MEOX2: variants seen among roughly 807,000 people sequenced by gnomAD.
The protein encoded by MEOX2 is mesenchyme homeobox 2, also known as homeobox protein MOX-2.
Under a neutral mutation model 27.0 loss-of-function variants are expected in MEOX2, and 11 were observed. That is an observed-to-expected ratio of 0.41 (90% CI 0.26 to 0.68). MEOX2 has a LOEUF of 0.68. Ranked by LOEUF, MEOX2 falls within the 30% of genes least tolerant of loss-of-function variation. MEOX2 has a pLI of 0.33. For missense variants in MEOX2, 436 were observed against 385.4 expected, an observed-to-expected ratio of 1.13 and a Z score of -1.10; for synonymous variants, 189 against 155.4, an observed-to-expected ratio of 1.22 and a Z score of -1.61.
At chr7:15,627,279 T>C (rs531999847) in intron 1 of MEOX2, among the ~76,000 whole-genome samples, 2 of 152,050 alleles carry the variant, frequency 1.3e-5, no homozygotes, top group Non-Finnish European at 2.9e-5. Context: ...GTACTTGAGG[T>C]CTAAGTAAGA....
At chr7:15,665,517 A>C (rs1781988563) in intron 1 of MEOX2, among the ~76,000 whole-genome samples, 1 of 152,218 alleles carries the variant, frequency 6.6e-6, no homozygotes, top group Admixed American at 6.5e-5. Context: ...TATTAATGTT[A>C]AGTTGAATTT....
intron 1 of MEOX2, among the ~76,000 whole-genome samples, chr7:15,657,595 A>G (rs1042233897): frequency 3.9e-5 from 6 of 151,962 alleles, no homozygotes; most frequent in Non-Finnish European, 7.4e-5. Flanking sequence ...GAGATGTTCT[A>G]TTTTTTCATT....
chr7:15,625,192 A>T (rs1285867145), intron 2 of MEOX2, among the ~76,000 whole-genome samples: 2 of 152,206 alleles, frequency 1.3e-5, no homozygotes, highest in Non-Finnish European at 2.9e-5. Context: ...TCTCTATATA[A>T]GAACATTAGT....
chr7:15,677,919 A>G (rs1017171615), intron 1 of MEOX2, among the ~76,000 whole-genome samples: 1 of 152,218 alleles, frequency 6.6e-6, no homozygotes, highest in African/African-American at 2.4e-5. Flanking sequence ...ACTTTCCTAA[A>G]CATCTGGGTA....
chr7:15,650,673 A>G (rs1781720082), intron 1 of MEOX2, among the ~76,000 whole-genome samples: 3 of 152,040 alleles, frequency 2.0e-5, no homozygotes, highest in African/African-American at 7.2e-5. Context: ...TACAGGAGAG[A>G]GAAGAAATAG....
At chr7:15,641,361 TTTTGTTTG>T (rs199726252) in intron 1 of MEOX2, among the ~76,000 whole-genome samples, 97 of 152,186 alleles carry the variant, frequency 6.4e-4, no homozygotes, top group Middle Eastern at 3.4e-3. Flanking sequence ...CTTCCTTGTT[TTTTGTTTG>T]TTTGTTTGTT....
chr7:15,664,194 T>C (rs1239186762), intron 1 of MEOX2, among the ~76,000 whole-genome samples: 2 of 152,166 alleles, frequency 1.3e-5, no homozygotes, highest in African/African-American at 4.8e-5. Context: ...TAATAAGAAA[T>C]AAGGGATTAA....
At chr7:15,615,018 A>G (rs1438550649) in intron 2 of MEOX2, among the ~76,000 whole-genome samples, 1 of 152,144 alleles carries the variant, frequency 6.6e-6, no homozygotes, top group Non-Finnish European at 1.5e-5. Context: ...ACATGTATTA[A>G]TCAATTTGAC....
chr7:15,622,563 G>T (rs2115357436), intron 2 of MEOX2, among the ~76,000 whole-genome samples: 1 of 152,002 alleles, frequency 6.6e-6, no homozygotes, highest in South Asian at 2.1e-4. Flanking sequence ...TTTAACATAT[G>T]AAAAAAATAA....
intron 2 of MEOX2, among the ~76,000 whole-genome samples, chr7:15,616,673 G>C (rs951333028): frequency 6.6e-6 from 1 of 151,694 alleles, no homozygotes; most frequent in African/African-American, 2.4e-5. Context: ...ATAAGTATTT[G>C]AATTATTTTT....
intron 2 of MEOX2, among the ~76,000 whole-genome samples, chr7:15,623,107 C>G (rs1341265877): frequency 6.6e-6 from 1 of 152,166 alleles, no homozygotes; most frequent in African/African-American, 2.4e-5. Flanking sequence ...AGACTACAAG[C>G]TGCATTGCAA....
intron 1 of MEOX2, among the ~76,000 whole-genome samples, chr7:15,633,453 C>A (rs541108949): frequency 1.3e-5 from 2 of 151,974 alleles, no homozygotes; most frequent in East Asian, 3.9e-4. Flanking sequence ...CAGCTGTCAA[C>A]AGGGCAAAAA....
At chr7:15,640,872 A>C (rs757196423) in intron 1 of MEOX2, among the ~76,000 whole-genome samples, 3 of 152,178 alleles carry the variant, frequency 2.0e-5, no homozygotes, top group South Asian at 4.1e-4. Context: ...CCTGGAATTA[A>C]ACTAACTTGA....
In MEOX2 at chr7:15,666,700, C is replaced by T. The variant is rs531760868; in HGVS notation, c.517+19186G>A. 8.4e-5 allele frequency among the ~76,000 whole-genome samples: 11 copies of T among 130,300 alleles called. No individual in the cohort carries two copies. The East Asian group carries it at 2.3e-3, about 27-fold the overall frequency. 85.5% of individuals were successfully genotyped at this position (130,300 alleles called of 152,430 possible). A position where few individuals can be genotyped will look rare whatever the true frequency, so the allele number is the denominator to read the frequency against. ...CTGGGAGGCGGAGGTTGCAGTGAGCCGAGATCGTGCCACTGCACTCCAGCG... is the reference window on the plus strand; with the variant it reads ...CTGGGAGGCGGAGGTTGCAGTGAGCTGAGATCGTGCCACTGCACTCCAGCG... On this transcript the variant is annotated intron_variant, in intron 1 of 2. Transcript: ENST00000262041.
intron 1 of MEOX2, among the ~76,000 whole-genome samples, chr7:15,628,530 A>G (rs550866499): frequency 1.3e-5 from 2 of 152,240 alleles, no homozygotes; most frequent in African/African-American, 4.8e-5. Context: ...TCCCTGTATC[A>G]GCTAGCTTCT....
Position 15,612,133 on chromosome 7 carries a change from C to A in MEOX2, c.*254G>T. 1.9e-6 allele frequency: 1 copy of A among 523,400 alleles called. No homozygotes were observed. Among genetic ancestry groups the A allele is most frequent in the South Asian group, 2.5e-5 (1 of 40,488 alleles). The allele number at this position is 523,400 out of a possible 1,614,324, so 32.4% of individuals were successfully genotyped here. Reference sequence around the variant, plus strand: ...GCAAAAGCAAACACATACCTGCTCACTGCCATACGCACGACCAAACACATC... The same window carrying A: ...GCAAAAGCAAACACATACCTGCTCAATGCCATACGCACGACCAAACACATC... On this transcript the variant is annotated 3_prime_UTR_variant, in exon 3 of 3. Coordinates refer to ENST00000262041, the MANE Select transcript of MEOX2 (RefSeq NM_005924.5).
At chr7:15,614,534 C>A (rs1781091351) in intron 2 of MEOX2, among the ~76,000 whole-genome samples, 1 of 152,084 alleles carries the variant, frequency 6.6e-6, no homozygotes, top group South Asian at 2.1e-4. Flanking sequence ...AACACATTGT[C>A]CCAGGTCCAT....
chr7:15,646,085 G>A (rs1284814052), intron 1 of MEOX2, among the ~76,000 whole-genome samples: 1 of 151,980 alleles, frequency 6.6e-6, no homozygotes, highest in African/African-American at 2.4e-5. Context: ...TTTTGTGGTG[G>A]TAGCTATGAA....
intron 1 of MEOX2, among the ~76,000 whole-genome samples, chr7:15,662,739 T>C (rs1342613755): frequency 6.6e-6 from 1 of 152,194 alleles, no homozygotes; most frequent in Non-Finnish European, 1.5e-5. Context: ...GTGCAGTGAC[T>C]GGGAGTATTT....
Sources: gnomAD v4.1 joint callset for allele counts (sites outside exome capture counted in the v4.1 genomes callset) on GRCh38, gnomAD v4.1.1 for gene constraint, MANE v1.5 for transcripts, NCBI Gene and HGNC (gene_info 2026-07-23, HGNC 2026-07-21) for gene names.